Variants in DNAH17 observed in about 807,000 individuals in gnomAD.
DNAH17 encodes the protein dynein axonemal heavy chain 17, also known as axonemal beta dynein heavy chain 17.
A neutral mutation model predicts 485.6 loss-of-function variants in DNAH17; 376 were observed. The observed-to-expected ratio is 0.77, with a 90% confidence interval of 0.71 to 0.84. The LOEUF is 0.84. Among genes scored for constraint, DNAH17 ranks in the 40% least tolerant of loss-of-function variants. The pLI is 0.00. For missense variants in DNAH17, 6,370 were observed against 5,839.3 expected (o/e 1.09, Z -2.96); for synonymous variants, 3,031 against 2,405.9 (o/e 1.26, Z -7.60).
At position 78,543,895 on chromosome 17, in the gene DNAH17, C is replaced by T; in HGVS notation, c.2494G>A (p.Val832Ile). ...TGGATCTTCACTCCAGCATCCCTGA[C>T]TGCTGCGTAGCGCTTGTTGAGGTTG... ...IANLNKRYAA[V>I]RDAGVKIQAM... is the part of the protein sequence containing the mutation. The change falls in exon 17 of 81, where the codon GTC becomes ATC. Residue 832 changes from valine (V) to isoleucine (I), a missense_variant. By Grantham distance (29) the Val-to-Ile change is conservative (BLOSUM62 3). Transcript: ENST00000389840. The T allele has an allele frequency of 6.2e-7, 1 of 1,614,094 alleles. No individual in the cohort carries two copies. Among genetic ancestry groups the T allele is most frequent in the East Asian group, 2.2e-5 (1 of 44,894 alleles).
intron 16 of DNAH17, among the ~76,000 whole-genome samples, chr17:78,548,114 C>G (rs1479537129): frequency 1.3e-5 from 2 of 151,440 alleles, no homozygotes; most frequent in Non-Finnish European, 2.9e-5. Flanking sequence ...GCAGTTTTGA[C>G]TTTCTTAGCC....
At chr17:78,501,004 C>T (rs2090268399) in intron 35 of DNAH17, 180 bp downstream of exon 35, 1 of 653,774 alleles carries the variant, frequency 1.5e-6, no homozygotes, top group Non-Finnish European at 2.3e-6. Flanking sequence ...CTCCCAAGGC[C>T]ACACAGCCGG....
intron 35 of DNAH17, 53 bp downstream of exon 35, chr17:78,501,131 T>C (rs1339008402): frequency 1.3e-6 from 2 of 1,512,906 alleles, no homozygotes; most frequent in South Asian, 1.4e-5. Flanking sequence ...CCAAGAATCA[T>C]GCGGAAGGGA....
chr17:78,448,660 C>A (rs1255211778), intron 69 of DNAH17, among the ~76,000 whole-genome samples: 1 of 152,216 alleles, frequency 6.6e-6, no homozygotes, highest in Non-Finnish European at 1.5e-5. Context: ...GAAACTGAAT[C>A]CTCAGTGCAA....
At chr17:78,451,882 T>C (rs73380048) in intron 65 of DNAH17, among the ~76,000 whole-genome samples, 2,388 of 152,174 alleles carry the variant, frequency 0.016, 67 homozygotes, top group African/African-American at 0.054. Context: ...ACCTGCTCTT[T>C]CCTTGGGTGA....
intron 26 of DNAH17, among the ~76,000 whole-genome samples, chr17:78,512,764 C>A (rs1314476806): frequency 6.6e-6 from 1 of 151,934 alleles, no homozygotes; most frequent in East Asian, 1.9e-4. Context: ...CAAGGTGAAA[C>A]CCTGTCTCTA....
chr17:78,513,296 T>C (rs1208015887), intron 26 of DNAH17, among the ~76,000 whole-genome samples: 3 of 152,192 alleles, frequency 2.0e-5, no homozygotes, highest in African/African-American at 7.2e-5. Context: ...ATACAACACA[T>C]GACAGATAGC....
chr17:78,484,380 C>A (rs1332045539), intron 48 of DNAH17, among the ~76,000 whole-genome samples: 3 of 152,154 alleles, frequency 2.0e-5, no homozygotes, highest in African/African-American at 7.2e-5. Context: ...TAAGGTCCCA[C>A]AGCCAGCAGG....
chr17:78,486,629 T>C, intron 44 of DNAH17, 123 bp from the exon 45 acceptor site: 1 of 1,249,762 alleles, frequency 8.0e-7, no homozygotes, highest in Non-Finnish European at 1.1e-6. Context: ...AGGGTCACCA[T>C]GCCTGCATGG....
intron 56 of DNAH17, among the ~76,000 whole-genome samples, chr17:78,463,283 G>A (rs774478427): frequency 5.3e-5 from 8 of 152,192 alleles, no homozygotes; most frequent in Non-Finnish European, 8.8e-5. Context: ...TTAGCTCAGC[G>A]CACAGGACAC....
At position 78,529,472 on chromosome 17, in the gene DNAH17, C is replaced by G. The variant is rs1234383381; in HGVS notation, c.3507G>C (p.Gln1169His). Residue 1169 changes from glutamine to histidine, a missense_variant and splice_region_variant, in exon 22 of 81, where the codon CAG becomes CAC. Transcript: ENST00000389840. ...GCAGCCACACCCACCCACCACGTAC[C>G]TGCAGCTTCAAGTGGATCTCCTCTG... The part of the protein sequence containing the change: ...EMPEEIHLKL[Q>H]ELPEHWANTK... The G allele has an allele frequency of 1.2e-6, 2 of 1,613,790 alleles. No homozygotes were observed. The highest frequency in any genetic ancestry group is 1.7e-6 in the Non-Finnish European group (2 of 1,179,838).
chr17:78,500,140 A>C, intron 36 of DNAH17, 165 bp downstream of exon 36: 2 of 731,638 alleles, frequency 2.7e-6, no homozygotes, highest in Non-Finnish European at 4.3e-6. Context: ...GGACCACCTG[A>C]GGGGGATGCT....
Position 78,423,786 on chromosome 17 carries a change from A to ATTATTTAAGAGAACGAAAAACC in DNAH17, c.*98_*119dup. The stretch of plus-strand genomic sequence containing the variant: ...GATGTGCTTGGTTACAAAGCACCTG[A>ATTATTTAAGAGAACGAAAAACC]TTATTTAAGAGAACGAAAAACCACC... On this transcript the variant is annotated 3_prime_UTR_variant, in exon 81 of 81. Transcript: ENST00000389840. The ATTATTTAAGAGAACGAAAAACC allele has an allele frequency of 7.5e-7, 1 of 1,331,790 alleles. No individual in the cohort carries two copies. The highest frequency in any genetic ancestry group is 1.0e-6 in the Non-Finnish European group (1 of 964,388). 82.5% of individuals were successfully genotyped at this position (1,331,790 alleles called of 1,614,324 possible). A position where few individuals can be genotyped will look rare whatever the true frequency, so the allele number is the denominator to read the frequency against.
At chr17:78,523,955 G>A (rs996216997) in intron 25 of DNAH17, among the ~76,000 whole-genome samples, 4 of 152,166 alleles carry the variant, frequency 2.6e-5, no homozygotes, top group African/African-American at 4.8e-5. Context: ...TGCTGGCATC[G>A]TTAGTCAGTA....
At position 78,530,470 on chromosome 17, in the gene DNAH17, C is replaced by T. The variant is rs775758076; in HGVS notation, c.3157G>A (p.Glu1053Lys). 9.3e-6 allele frequency: 15 copies of T among 1,612,688 alleles called. No homozygotes were observed. In the Admixed American group the frequency reaches 1.0e-4, roughly 11 times the overall value. Residue 1053 changes from glutamate (E) to lysine (K), a missense_variant, in exon 21 of 81, where the codon GAG (glutamate) becomes AAG (lysine). Glu to Lys is a moderately conservative substitution (Grantham distance 56). Transcript: ENST00000389840. The stretch of plus-strand genomic sequence containing the variant: ...CAGCCGTGGAACACCTTGGTGTTCT[C>T]GCACTTGGACACCTCCTCATACAGC... ...EKLYEEVSKC[E>K]NTKVFHGWLQ...
chr17:78,480,013 CTTTTTTTTTTTTTTTTTT>C (rs370344478), intron 49 of DNAH17, among the ~76,000 whole-genome samples: 1,351 of 70,534 alleles, frequency 0.019, 70 homozygotes, highest in African/African-American at 0.055. Context: ...ACAACAAGTA[CTTTTTTTTTTTTTTTTTT>C]TTTTTTTTTT....
chr17:78,554,770 G>A (rs141450799), intron 14 of DNAH17, among the ~76,000 whole-genome samples: 1,966 of 151,968 alleles, frequency 0.013, 40 homozygotes, highest in African/African-American at 0.042. Context: ...TTTTTGAGAC[G>A]GAGTCTCGCT....
rs779465341 is a variant in DNAH17, at chr17:78,567,184, C to T, written c.1285-18G>A. 17 of 1,581,618 alleles carry T rather than the reference C, an allele frequency of 1.1e-5. No homozygotes were observed. The South Asian group carries it at 1.9e-4, about 17-fold the overall frequency. On this transcript the variant is annotated intron_variant, in intron 9 of 80. Coordinates refer to ENST00000389840, the MANE Select transcript of DNAH17 (RefSeq NM_173628.4). The stretch of plus-strand genomic sequence containing the variant: ...TAGAGTTCCTAGTGGAGGAGAAAAA[C>T]ACAGTCAATTCATCTTCACAACCCA...
chr17:78,567,207 C>G, intron 9 of DNAH17, 41 bp from the exon 10 acceptor site: 1 of 1,559,756 alleles, frequency 6.4e-7, no homozygotes, highest in Non-Finnish European at 8.7e-7. Context: ...TCTTCACAAC[C>G]CAACTCACGG....
Sources: gnomAD v4.1 joint callset for allele counts (sites outside exome capture counted in the v4.1 genomes callset) on GRCh38, gnomAD v4.1.1 for gene constraint, MANE v1.5 for transcripts, NCBI Gene and HGNC (gene_info 2026-07-23, HGNC 2026-07-21) for gene names.